The following ASAP1 variants were observed in gnomAD, a reference collection of about 807,000 sequenced individuals.
The protein encoded by ASAP1 is ArfGAP with SH3 domain, ankyrin repeat and PH domain 1.
In ASAP1, 43 loss-of-function variants were observed where a neutral mutation model predicts 145.2. The ratio of observed to expected loss-of-function variants is 0.30; its 90% CI spans 0.23 to 0.38. ASAP1 has a LOEUF of 0.38. ASAP1 is among the 10% of genes least tolerant of loss of function. The pLI, the probability that ASAP1 is intolerant of heterozygous loss-of-function variation, is 1.00. For synonymous variants in ASAP1, 546 were observed against 515.5 expected (o/e 1.06, Z -0.80); for missense variants, 1,018 against 1,355.3 (o/e 0.75, Z 3.91).
intron 28 of ASAP1, among the ~76,000 whole-genome samples, chr8:130,059,168 ATT>A (rs146227431): frequency 1.4e-5 from 2 of 145,048 alleles, no homozygotes; most frequent in Non-Finnish European, 3.0e-5. Context: ...CAACATTTAA[ATT>A]TTTTTTTTTT....
intron 2 of ASAP1, among the ~76,000 whole-genome samples, chr8:130,372,698 T>G (rs1261839445): frequency 6.6e-6 from 1 of 152,230 alleles, no homozygotes; most frequent in African/African-American, 2.4e-5. Flanking sequence ...TTGTATGCAC[T>G]ATGGATGGCT....
chr8:130,405,309 C>T (rs763481079), intron 1 of ASAP1, among the ~76,000 whole-genome samples: 7 of 152,214 alleles, frequency 4.6e-5, no homozygotes, highest in Non-Finnish European at 7.4e-5. Context: ...TATGAAATAA[C>T]GTGTCCAAGA....
intron 11 of ASAP1, among the ~76,000 whole-genome samples, chr8:130,161,491 C>CT (rs2097669121): frequency 2.0e-5 from 3 of 152,148 alleles, no homozygotes; most frequent in African/African-American, 7.2e-5. Flanking sequence ...ATTAAGGACC[C>CT]TGAGTATACA....
At chr8:130,069,799 C>T (rs932808042) in intron 27 of ASAP1, 4 of 152,142 alleles carry the variant, frequency 2.6e-5, no homozygotes, top group Admixed American at 1.3e-4. Flanking sequence ...TACAATGAAA[C>T]ATATGATATG....
chr8:130,358,223 G>A lies in ASAP1; in HGVS notation c.60-80C>T, dbSNP rs1826467099. ...TCCCGGGGCCGCGGGCCGCCCGGAG[G>A]CTCATGAACCCCGGCGCGCAGCCCG... On this transcript the variant is annotated intron_variant, in intron 2 of 29. Transcript: ENST00000518721. The surrounding 1 kb of genome is among the most constrained non-coding windows in gnomAD (Gnocchi z 4.1). 3 of 1,181,906 alleles carry A rather than the reference G, an allele frequency of 2.5e-6. No homozygotes were observed. Among genetic ancestry groups the A allele is most frequent in the South Asian group, 4.2e-5 (2 of 47,082 alleles). 73.2% of individuals were successfully genotyped at this position (1,181,906 alleles called of 1,614,324 possible).
chr8:130,091,931 C>A, intron 25 of ASAP1, 42 bp downstream of exon 25: 1 of 1,482,680 alleles, frequency 6.7e-7, no homozygotes, highest in Non-Finnish European at 8.9e-7. Flanking sequence ...CCACACGCTG[C>A]CTGGCCCCAG....
intron 27 of ASAP1, among the ~76,000 whole-genome samples, 182 bp from the exon 28 acceptor site, chr8:130,061,251 A>G (rs2097418922): frequency 6.6e-6 from 1 of 152,198 alleles, no homozygotes; most frequent in Non-Finnish European, 1.5e-5. Flanking sequence ...AAGCCTGGAA[A>G]GTGTTACAAT....
chr8:130,077,397 C>T (rs1019833318), intron 26 of ASAP1, among the ~76,000 whole-genome samples: 2 of 152,186 alleles, frequency 1.3e-5, no homozygotes, highest in Admixed American at 6.5e-5. Flanking sequence ...TGGCGATTCT[C>T]AGAGGACACC....
chr8:130,385,292 C>G (rs930035182), intron 2 of ASAP1, among the ~76,000 whole-genome samples: 6 of 152,152 alleles, frequency 3.9e-5, no homozygotes, highest in Admixed American at 2.0e-4. Flanking sequence ...ATGGTGAAAC[C>G]CCGTCTCCAC....
chr8:130,072,825 G>GTGCGTGTGCGCGCGCA, intron 27 of ASAP1, among the ~76,000 whole-genome samples: 2 of 54,116 alleles, frequency 3.7e-5, no homozygotes, highest in Admixed American at 3.5e-4. Flanking sequence ...GTGTGTGTGT[G>GTGCGTGTGCGCGCGCA]CGCGCGGGGG....
chr8:130,218,867 ATATG>A (rs1565101985), intron 4 of ASAP1, among the ~76,000 whole-genome samples: 1 of 149,422 alleles, frequency 6.7e-6, no homozygotes, highest in South Asian at 2.2e-4. Flanking sequence ...ATATATATGC[ATATG>A]TATGTATGTA....
At chr8:130,386,668 C>T (rs1047385172) in intron 2 of ASAP1, 5 of 152,254 alleles carry the variant, frequency 3.3e-5, no homozygotes, top group African/African-American at 4.8e-5. Context: ...GAAGCGGACT[C>T]ACCTCTGCCG....
chr8:130,114,334 T>C (rs778185788), intron 23 of ASAP1, among the ~76,000 whole-genome samples: 1 of 152,168 alleles, frequency 6.6e-6, no homozygotes, highest in Non-Finnish European at 1.5e-5. Context: ...ATACTAAACA[T>C]TGTAAACAAC....
rs1471563356 is a variant in ASAP1, at chr8:130,153,357, A to G, written c.1011-552T>C. Among the ~76,000 whole-genome samples the G allele has an allele frequency of 4.6e-3, 183 of 39,886 alleles. 1 individual carries two copies. The highest frequency in any genetic ancestry group is 7.3e-3 in the Admixed American group (25 of 3,432). The allele number at this position is 39,886 out of a possible 152,430, so 26.2% of individuals were successfully genotyped here. A position where few individuals can be genotyped will look rare whatever the true frequency, so the allele number is the denominator to read the frequency against. ...AATATATATATATATATATATATAT[A>G]TGTATATATATATATATATATATAT... On this transcript the variant is annotated intron_variant, in intron 12 of 29. Coordinates refer to ENST00000518721, the MANE Select transcript of ASAP1 (RefSeq NM_018482.4).
chr8:130,419,787 G>A (rs574098429), intron 1 of ASAP1, among the ~76,000 whole-genome samples: 1 of 152,178 alleles, frequency 6.6e-6, no homozygotes, highest in South Asian at 2.1e-4. Context: ...ACGGCTGCTG[G>A]CCTCAATCCA....
chr8:130,071,414 C>T (rs1351341406), intron 27 of ASAP1, among the ~76,000 whole-genome samples: 1 of 152,184 alleles, frequency 6.6e-6, no homozygotes, highest in East Asian at 1.9e-4. Context: ...GTGAATATGG[C>T]CGGTGGTAAA....
At chr8:130,392,385 T>C (rs1325058328) in intron 2 of ASAP1, among the ~76,000 whole-genome samples, 1 of 152,262 alleles carries the variant, frequency 6.6e-6, no homozygotes, top group African/African-American at 2.4e-5. Context: ...TTCATCTGTG[T>C]TACTTATTCT....
intron 11 of ASAP1, among the ~76,000 whole-genome samples, chr8:130,161,033 C>A (rs1305530599): frequency 6.6e-6 from 1 of 152,086 alleles, no homozygotes; most frequent in African/African-American, 2.4e-5. Flanking sequence ...GGCGTGAGAA[C>A]AGAAACATGG....
At chr8:130,256,755 A>ATATATATATATCCT (rs1412557137) in intron 3 of ASAP1, among the ~76,000 whole-genome samples, 9 of 89,774 alleles carry the variant, frequency 1.0e-4, no homozygotes, top group South Asian at 5.3e-4. Context: ...ATATATATAT[A>ATATATATATATCCT]TATATATATA....
Sources: allele counts gnomAD v4.1 joint callset (sites outside exome capture counted in the v4.1 genomes callset), GRCh38; gene constraint gnomAD v4.1.1; non-coding constraint Gnocchi (gnomAD v3.1); transcripts MANE v1.5; gene names NCBI Gene and HGNC (gene_info 2026-07-23, HGNC 2026-07-21).